The following FGF14 variants were observed in gnomAD, a reference collection of about 807,000 sequenced individuals.
FGF14 encodes fibroblast growth factor 14.
A neutral mutation model predicts 25.5 loss-of-function variants in FGF14; 5 were observed. The observed-to-expected ratio is 0.20, with a 90% CI of 0.10 to 0.41. FGF14 has a LOEUF of 0.41. Among genes scored for constraint, FGF14 ranks in the 10% least tolerant of loss-of-function variants. The probability of loss-of-function intolerance (pLI) is 1.00; values close to 1 mark genes in which losing one functional copy is unlikely to be tolerated. For missense variants in FGF14, 222 were observed against 320.1 expected, an observed-to-expected ratio of 0.69 and a Z score of 2.34; for synonymous variants, 138 against 118.3, an observed-to-expected ratio of 1.17 and a Z score of -1.08.
rs2053455274 is a variant in FGF14, at chr13:102,275,234, T to TTCTCCC, written c.208+126236_208+126237insGGGAGA. On this transcript the variant is annotated intron_variant, in intron 1 of 4. Transcript: ENST00000376131. ...ATCTGCCAACTGAGATTAGGCAGATTTCTCTCTCTCTCTCTCTCTCTCTCT... is the reference window on the plus strand; with the variant it reads ...ATCTGCCAACTGAGATTAGGCAGATTTCTCCCTCTCTCTCTCTCTCTCTCTCTCTCT... 1.2e-4 allele frequency among the ~76,000 whole-genome samples: 8 copies of TTCTCCC among 67,448 alleles called. No individual in the cohort carries two copies. The East Asian group carries it at 1.8e-3, about 15-fold the overall frequency. The allele number at this position is 67,448 out of a possible 152,430, so 44.2% of individuals were successfully genotyped here. A position where few individuals can be genotyped will look rare whatever the true frequency, so the allele number is the denominator to read the frequency against.
intron 1 of FGF14, among the ~76,000 whole-genome samples, chr13:102,008,147 A>G (rs377678620): frequency 6.6e-5 from 10 of 152,208 alleles, no homozygotes; most frequent in African/African-American, 2.2e-4. Context: ...GAGAAAAATA[A>G]AGGAAAATCA....
intron 1 of FGF14, among the ~76,000 whole-genome samples, chr13:101,927,210 A>C (rs2034424547): frequency 6.6e-6 from 1 of 152,224 alleles, no homozygotes; most frequent in Non-Finnish European, 1.5e-5. Context: ...GTGAGTCAGG[A>C]ATAGCGGCCA....
chr13:102,254,840 C>T (rs1208751486), intron 1 of FGF14, among the ~76,000 whole-genome samples: 1 of 152,190 alleles, frequency 6.6e-6, no homozygotes, highest in Non-Finnish European at 1.5e-5. Context: ...TAGCTGAAGT[C>T]CTGGAGACCT....
intron 1 of FGF14, among the ~76,000 whole-genome samples, chr13:102,064,779 T>C (rs1213537343): frequency 1.3e-5 from 2 of 151,918 alleles, no homozygotes; most frequent in Non-Finnish European, 2.9e-5. Context: ...AGTGTGTATA[T>C]TGTGTTAGGT....
chr13:102,162,767 A>G (rs2047833067), intron 1 of FGF14, among the ~76,000 whole-genome samples: 1 of 152,172 alleles, frequency 6.6e-6, no homozygotes, highest in Admixed American at 6.6e-5. Flanking sequence ...AGTGAGTTGA[A>G]TGCTGTGGAA....
At chr13:102,183,563 A>G (rs2048760950) in intron 1 of FGF14, among the ~76,000 whole-genome samples, 1 of 152,198 alleles carries the variant, frequency 6.6e-6, no homozygotes, top group Non-Finnish European at 1.5e-5. Context: ...TACGCTGGGA[A>G]TAAGAACCCC....
chr13:102,306,844 T>A (rs1439509015), intron 1 of FGF14, among the ~76,000 whole-genome samples: 2 of 152,138 alleles, frequency 1.3e-5, no homozygotes, highest in Admixed American at 6.5e-5. Flanking sequence ...TTCTAACTTG[T>A]ATGCACAATA....
intron 3 of FGF14, among the ~76,000 whole-genome samples, chr13:101,821,050 G>A (rs891065855): frequency 6.8e-5 from 10 of 147,494 alleles, no homozygotes; most frequent in African/African-American, 1.7e-4. Flanking sequence ...CGGGATTCAC[G>A]CCATTCTCCT....
chr13:101,718,082 C>T lies in FGF14; in HGVS notation c.*4749G>A, dbSNP rs2034793241. 1 of 152,032 alleles carries T rather than the reference C, an allele frequency of 6.6e-6. No homozygotes were observed. Among genetic ancestry groups the T allele is most frequent in the Non-Finnish European group, 1.5e-5 (1 of 68,010 alleles). The allele number at this position is 152,032 out of a possible 1,614,324, so 9.4% of individuals were successfully genotyped here. ...TGGACAAAGATGAAAATATAGTCAGCTCTGTTCTAGTGTTCATTTAGTTAG... is the reference window on the plus strand; with the variant it reads ...TGGACAAAGATGAAAATATAGTCAGTTCTGTTCTAGTGTTCATTTAGTTAG... On this transcript the variant is annotated 3_prime_UTR_variant, in exon 5 of 5. Coordinates refer to ENST00000376143, the MANE Select transcript of FGF14 (RefSeq NM_004115.4).
intron 1 of FGF14, among the ~76,000 whole-genome samples, chr13:101,901,570 G>A (rs1480540792): frequency 6.6e-6 from 1 of 152,086 alleles, no homozygotes; most frequent in African/African-American, 2.4e-5. Context: ...TAGAGGTTAT[G>A]GTGTGCACCT....
chr13:102,207,094 A>G (rs759325101), intron 1 of FGF14, among the ~76,000 whole-genome samples: 67 of 152,122 alleles, frequency 4.4e-4, no homozygotes, highest in Non-Finnish European at 7.2e-4. Context: ...AGTCTGGCCA[A>G]CATGGTGAAA....
At chr13:102,169,192 T>C (rs2048143761) in intron 1 of FGF14, among the ~76,000 whole-genome samples, 1 of 151,702 alleles carries the variant, frequency 6.6e-6, no homozygotes, top group African/African-American at 2.4e-5. Flanking sequence ...ATTTATAGGC[T>C]CGGCTTTTCA....
chr13:102,293,351 C>T, intron 1 of FGF14: 1 of 152,166 alleles, frequency 6.6e-6, no homozygotes, highest in Non-Finnish European at 1.5e-5. Flanking sequence ...GACAAATCTT[C>T]CTGATGGAAT....
intron 1 of FGF14, among the ~76,000 whole-genome samples, chr13:102,063,543 G>A (rs372663331): frequency 8.6e-5 from 13 of 151,776 alleles, no homozygotes; most frequent in African/African-American, 2.7e-4. Context: ...TTGAACCTGG[G>A]AGGCAGAGGT....
upstream of FGF14, chr13:102,401,989 C>A: frequency 2.6e-6 from 1 of 379,796 alleles, no homozygotes; most frequent in Non-Finnish European, 4.7e-6. Flanking sequence ...CTGCAGAAGG[C>A]AAAGCAGGAT....
intron 3 of FGF14, among the ~76,000 whole-genome samples, chr13:101,760,470 G>T (rs1014055367): frequency 1.3e-5 from 2 of 152,152 alleles, no homozygotes; most frequent in African/African-American, 4.8e-5. Flanking sequence ...CAACAAAATC[G>T]ATGAAAAGTA....
At chr13:101,843,714 T>C (rs2043305869) in intron 3 of FGF14, among the ~76,000 whole-genome samples, 2 of 151,940 alleles carry the variant, frequency 1.3e-5, no homozygotes, top group South Asian at 4.1e-4. Context: ...GGGGGATCAG[T>C]GAACGTGGAC....
Position 101,985,193 on chromosome 13 carries a change from A to G in FGF14, c.209-109897T>C, listed in dbSNP as rs3933242. Among the ~76,000 whole-genome samples, 1,086 of 151,940 alleles carry G rather than the reference A, an allele frequency of 7.1e-3. 12 individuals are homozygous for G. Among genetic ancestry groups the G allele is most frequent in the African/African-American group, 0.025 (1,021 of 41,478 alleles). On this transcript the variant is annotated intron_variant, in intron 1 of 4. Coordinates refer to the FGF14 transcript ENST00000376131. ...CCCTCAGGCTACTTTTATCATCTTC[A>G]AAAAGGAGTTTAACCCTGCATGGAA...
intron 1 of FGF14, among the ~76,000 whole-genome samples, chr13:102,083,939 CA>C (rs1474372973): frequency 6.6e-6 from 1 of 152,110 alleles, no homozygotes; most frequent in African/African-American, 2.4e-5. Context: ...AAGTAAAAGC[CA>C]AAATCTCTAT....
Sources: allele counts gnomAD v4.1 joint callset (sites outside exome capture counted in the v4.1 genomes callset), GRCh38; gene constraint gnomAD v4.1.1; transcripts MANE v1.5; gene names NCBI Gene and HGNC (gene_info 2026-07-23, HGNC 2026-07-21).